DDX50: variants seen among roughly 807,000 people sequenced by gnomAD.
DDX50 encodes the protein ATP-dependent RNA helicase DDX50.
In DDX50, 56 loss-of-function variants were observed where a neutral mutation model predicts 94.8. That is an observed-to-expected ratio of 0.59 (90% CI 0.48 to 0.74). DDX50 has a LOEUF of 0.74. DDX50 is among the 30% of genes least tolerant of loss of function. DDX50 has a pLI of 0.00. For missense variants in DDX50, 713 were observed against 881.2 expected (o/e 0.81, Z 2.42); for synonymous variants, 264 against 295.4 (o/e 0.89, Z 1.09).
chr10:68,922,217 G>A (rs78422423), intron 8 of DDX50, among the ~76,000 whole-genome samples: 146 of 151,918 alleles, frequency 9.6e-4, no homozygotes, highest in African/African-American at 3.4e-3. Flanking sequence ...ACAGGATCTT[G>A]CTGTGTTGCC....
intron 4 of DDX50, chr10:68,911,822 G>A (rs1302193526): frequency 6.6e-6 from 1 of 151,996 alleles, no homozygotes; most frequent in Non-Finnish European, 1.5e-5. Flanking sequence ...TATATTATTG[G>A]GGTACTAGAC....
intron 8 of DDX50, among the ~76,000 whole-genome samples, chr10:68,933,638 TAA>T (rs550757375): frequency 6.9e-6 from 1 of 145,530 alleles, no homozygotes; most frequent in Non-Finnish European, 1.5e-5. Flanking sequence ...ATGTGTGTAT[TAA>T]AAAAAAAAAG....
chr10:68,932,148 T>G (rs1842289747), intron 8 of DDX50, among the ~76,000 whole-genome samples: 1 of 152,240 alleles, frequency 6.6e-6, no homozygotes, highest in Non-Finnish European at 1.5e-5. Flanking sequence ...TTATGAATGT[T>G]CTGGAACCAG....
intron 8 of DDX50, among the ~76,000 whole-genome samples, chr10:68,923,781 T>C (rs1842004273): frequency 6.6e-6 from 1 of 151,598 alleles, no homozygotes; most frequent in African/African-American, 2.4e-5. Context: ...TGACCTCAAG[T>C]GATCGTTTTG....
chr10:68,925,108 T>C (rs1842048996), intron 8 of DDX50, among the ~76,000 whole-genome samples: 1 of 145,564 alleles, frequency 6.9e-6, no homozygotes, highest in Non-Finnish European at 1.5e-5. Context: ...TTTTTTTTTT[T>C]TTTTTTTTTT....
At position 68,911,113 on chromosome 10, in the gene DDX50, G is replaced by C. The variant is rs778018752; in HGVS notation, c.506G>C (p.Gly169Ala). ...TTTCCTATTCAAGTTAAGACCTTTG[G>C]TCCTGTATATGAAGGAAAAGATTTA... ...YLFPIQVKTFGPVYEGKDLIA... is the reference protein window; with the variant it reads ...YLFPIQVKTFAPVYEGKDLIA... The change falls in exon 4 of 15, where the codon GGT (glycine) becomes GCT (alanine). Residue 169 changes from glycine to alanine, a missense_variant. Gly to Ala is a moderately conservative substitution (Grantham distance 60). Transcript: ENST00000373585. 1 of 1,603,922 alleles carries C rather than the reference G, an allele frequency of 6.2e-7. No homozygotes were observed.
chr10:68,940,356 G>A (rs906414832), intron 12 of DDX50, among the ~76,000 whole-genome samples: 1 of 150,988 alleles, frequency 6.6e-6, no homozygotes, highest in African/African-American at 2.4e-5. Flanking sequence ...TCCAACCTGG[G>A]TGACAGAGCG....
intron 8 of DDX50, among the ~76,000 whole-genome samples, chr10:68,929,790 G>A (rs1006712596): frequency 1.4e-5 from 2 of 146,292 alleles, no homozygotes; most frequent in Non-Finnish European, 3.0e-5. Context: ...GCAGTGGTGC[G>A]ATGTCGACTC....
At chr10:68,908,451 C>CAAA (rs71223162) in intron 2 of DDX50, among the ~76,000 whole-genome samples, 56 of 43,474 alleles carry the variant, frequency 1.3e-3, no homozygotes, top group African/African-American at 1.9e-3. Flanking sequence ...AACTCCATCT[C>CAAA]AAAAAAAAAA....
chr10:68,913,889 C>T (rs544123627), intron 6 of DDX50, among the ~76,000 whole-genome samples, 170 bp from the exon 7 acceptor site: 20 of 151,996 alleles, frequency 1.3e-4, no homozygotes, highest in African/African-American at 2.2e-4. Context: ...CATATTGTCC[C>T]CCAGTTTTGC....
intron 1 of DDX50, 54 bp downstream of exon 1, chr10:68,901,525 A>G (rs1841286658): frequency 6.5e-7 from 1 of 1,526,770 alleles, no homozygotes; most frequent in Non-Finnish European, 8.9e-7. Context: ...TTGGGCGGGG[A>G]GGGGAACTGT....
At position 68,946,503 on chromosome 10, in the gene DDX50, G is replaced by A. The variant is rs188846063; in HGVS notation, c.2087G>A (p.Arg696Gln). 5.9e-5 allele frequency: 95 copies of A among 1,614,180 alleles called. 1 individual carries two copies. Among genetic ancestry groups the A allele is most frequent in the Non-Finnish European group, 7.2e-5 (85 of 1,180,028 alleles). Residue 696 changes from arginine to glutamine, a missense_variant, in exon 15 of 15, where the codon CGA becomes CAA. By Grantham distance (43) the Arg-to-Gln change is conservative. Around this residue, in one of 2 missense-constraint regions of DDX50, gnomAD observed 428 missense variants for 602.3 expected, o/e 0.71. Transcript: ENST00000373585. ...GGCCGGTCAGGCCGGTCAGGTGGTC[G>A]ATCTGGCGGCCGGTCAGGTAGACAG... ...RSGRSGRSGGRSGGRSGRQSR... is the reference protein window; with the variant it reads ...RSGRSGRSGGQSGGRSGRQSR...
chr10:68,927,644 A>G (rs930796668), intron 8 of DDX50, among the ~76,000 whole-genome samples: 3 of 152,234 alleles, frequency 2.0e-5, no homozygotes, highest in Admixed American at 2.0e-4. Flanking sequence ...TGGTGAAGAA[A>G]AAGTAAATTA....
At chr10:68,916,497 T>C (rs746649600) in intron 7 of DDX50, among the ~76,000 whole-genome samples, 2 of 152,218 alleles carry the variant, frequency 1.3e-5, no homozygotes, top group Non-Finnish European at 2.9e-5. Flanking sequence ...GTAAATTGAA[T>C]AGAAAGATTG....
intron 8 of DDX50, among the ~76,000 whole-genome samples, chr10:68,926,702 C>T (rs1419512780): frequency 6.6e-6 from 1 of 151,536 alleles, no homozygotes; most frequent in Non-Finnish European, 1.5e-5. Context: ...CCCCAGGCAA[C>T]ACAGCAAGAA....
At position 68,946,225 on chromosome 10, in the gene DDX50, C is replaced by A. The variant is rs1032192368; in HGVS notation, c.1936-127C>A. 7.8e-6 allele frequency: 9 copies of A among 1,159,038 alleles called. No individual in the cohort carries two copies. The African/African-American group carries it at 1.4e-4, about 18-fold the overall frequency. 71.8% of individuals were successfully genotyped at this position (1,159,038 alleles called of 1,614,324 possible). On this transcript the variant is annotated intron_variant, in intron 14 of 14. Coordinates refer to ENST00000373585, the MANE Select transcript of DDX50 (RefSeq NM_024045.2). The stretch of plus-strand genomic sequence containing the variant: ...TTATTTTCTGGTTTTCATTTTTGTT[C>A]CAGATACGTTAACAGAATAGATGGC...
At chr10:68,910,154 T>A (rs989504528) in intron 2 of DDX50, among the ~76,000 whole-genome samples, 153 bp from the exon 3 acceptor site, 1 of 150,266 alleles carries the variant, frequency 6.7e-6, no homozygotes, top group African/African-American at 2.5e-5. Flanking sequence ...GCCACTGCAC[T>A]CCAACCTGGG....
At chr10:68,910,444 C>G (rs1841593223) in intron 3 of DDX50, 62 bp downstream of exon 3, 2 of 1,430,174 alleles carry the variant, frequency 1.4e-6, no homozygotes, top group Admixed American at 2.2e-5. Context: ...GCTCTGTTGC[C>G]CAGGCTGGAG....
Position 68,901,466 on chromosome 10 carries a change from C to G in DDX50, c.82C>G (p.Gln28Glu), listed in dbSNP as rs138847793. ...EESESQKKERQKSDRRKSRHH... is the reference protein window; with the variant it reads ...EESESQKKEREKSDRRKSRHH... ...GTCCGAGAGCCAGAAGAAGGAGAGG[C>G]AAAAGGTGCGCTGAGCATGGGCCGC... The change falls in exon 1 of 15, where the codon CAA (glutamine) becomes GAA (glutamate). Residue 28 changes from glutamine (Q) to glutamate (E), a missense_variant. This residue lies in a region of DDX50 where 285 missense variants were observed against 278.9 expected (regional missense o/e 1.02). Coordinates refer to ENST00000373585, the MANE Select transcript of DDX50 (RefSeq NM_024045.2). The G allele has an allele frequency of 6.4e-6, 10 of 1,569,492 alleles. No homozygotes were observed. The highest frequency in any genetic ancestry group is 3.8e-5 in the Admixed American group (2 of 53,134).
Sources: gnomAD v4.1 joint callset for allele counts (sites outside exome capture counted in the v4.1 genomes callset) on GRCh38, gnomAD v4.1.1 for gene constraint, gnomAD v4.1.1 regional missense constraint, MANE v1.5 for transcripts, NCBI Gene and HGNC (gene_info 2026-07-23, HGNC 2026-07-21) for gene names.